Variants in DCAF7 observed in about 807,000 individuals in gnomAD.
DCAF7 encodes DDB1 and CUL4 associated factor 7.
A neutral mutation model predicts 41.2 loss-of-function variants in DCAF7; 4 were observed. The ratio of observed to expected loss-of-function variants is 0.10; its 90% CI spans 0.05 to 0.22. The LOEUF is 0.22. Ranked by LOEUF, DCAF7 falls within the 10% of genes least tolerant of loss-of-function variation. The pLI, the probability that DCAF7 is intolerant of heterozygous loss-of-function variation, is 1.00. For synonymous variants in DCAF7, 143 were observed against 164.2 expected (o/e 0.87, Z 0.99); for missense variants, 131 against 443.2 (o/e 0.30, Z 6.32).
chr17:63,573,593 A>C (rs958945009), intron 1 of DCAF7, among the ~76,000 whole-genome samples: 1 of 151,956 alleles, frequency 6.6e-6, no homozygotes, highest in Admixed American at 6.6e-5. Context: ...AGCAGGGTAC[A>C]GTGGCATCTG....
chr17:63,574,763 A>T (rs911558048), intron 1 of DCAF7, among the ~76,000 whole-genome samples: 4 of 152,234 alleles, frequency 2.6e-5, no homozygotes, highest in African/African-American at 9.6e-5. Context: ...ACTTGAGCCC[A>T]GGAGTTCAAG....
chr17:63,582,047 A>G (rs1036270708), intron 4 of DCAF7, among the ~76,000 whole-genome samples: 1 of 152,146 alleles, frequency 6.6e-6, no homozygotes, highest in African/African-American at 2.4e-5. Context: ...GAGGGTTACC[A>G]GGAGCTGTCA....
At chr17:63,583,474 C>A in intron 4 of DCAF7, 28 bp from the exon 5 acceptor site, 2 of 1,599,184 alleles carry the variant, frequency 1.3e-6, no homozygotes, top group East Asian at 2.2e-5. Context: ...GGATCTGAAT[C>A]TGACTGGAGC....
chr17:63,570,297 T>C (rs2033492015), intron 1 of DCAF7, among the ~76,000 whole-genome samples: 1 of 151,506 alleles, frequency 6.6e-6, no homozygotes, highest in African/African-American at 2.4e-5. Context: ...CTACAAAATA[T>C]GGAAAAATTA....
intron 1 of DCAF7, among the ~76,000 whole-genome samples, chr17:63,562,662 A>G (rs1306958911): frequency 1.4e-5 from 2 of 146,666 alleles, no homozygotes; most frequent in Non-Finnish European, 3.0e-5. Context: ...AGCATTAGGT[A>G]TATCTCCCAG....
At chr17:63,579,678 C>T (rs1215515938) in intron 3 of DCAF7, 147 bp from the exon 4 acceptor site, 4 of 717,664 alleles carry the variant, frequency 5.6e-6, no homozygotes, top group South Asian at 1.9e-5. Context: ...TTGACTGCCT[C>T]GGTGGCTCTG....
intron 6 of DCAF7, among the ~76,000 whole-genome samples, chr17:63,586,937 A>C (rs977410756): frequency 6.6e-6 from 1 of 152,144 alleles, no homozygotes; most frequent in Non-Finnish European, 1.5e-5. Flanking sequence ...GATGACCTCT[A>C]TCAACAGGTA....
In DCAF7 at chr17:63,579,925, G is replaced by A; in HGVS notation, c.510G>A (p.Leu170=). The A allele has an allele frequency of 6.2e-7, 1 of 1,613,710 alleles. No homozygotes were observed. Among genetic ancestry groups the A allele is most frequent in the Non-Finnish European group, 8.5e-7 (1 of 1,179,724 alleles). The part of the protein sequence containing the change: ...NLVSGHVKTQ[L]IAHDKEVYDI... ...TGTCTGGCCACGTGAAGACCCAGCT[G>A]ATCGCCCATGACAAAGAGGTAAGAT... Residue 170 remains leucine (L), a synonymous_variant, in exon 4 of 7, where the codon CTG becomes CTA. Coordinates refer to ENST00000614556, the MANE Select transcript of DCAF7 (RefSeq NM_005828.5).
At chr17:63,559,380 T>C in intron 1 of DCAF7, among the ~76,000 whole-genome samples, 1 of 53,434 alleles carries the variant, frequency 1.9e-5, no homozygotes, top group Non-Finnish European at 4.1e-5. Context: ...TATATGTGTA[T>C]ATATATGTAT....
At chr17:63,583,463 T>C (rs372992836) in intron 4 of DCAF7, 39 bp from the exon 5 acceptor site, 2 of 1,573,442 alleles carry the variant, frequency 1.3e-6, no homozygotes, top group African/African-American at 1.3e-5. Flanking sequence ...GAAGAGGTAA[T>C]GGATCTGAAT....
intron 5 of DCAF7, among the ~76,000 whole-genome samples, chr17:63,584,279 C>T (rs2033654248): frequency 6.6e-6 from 1 of 152,028 alleles, no homozygotes; most frequent in South Asian, 2.1e-4. Context: ...ACCATCCTGG[C>T]CAACATGGCG....
chr17:63,563,950 G>A (rs187547581), intron 1 of DCAF7, among the ~76,000 whole-genome samples: 363 of 152,240 alleles, frequency 2.4e-3, no homozygotes, highest in African/African-American at 8.5e-3. Context: ...TTGCTCTGAG[G>A]GATGTCCATT....
intron 1 of DCAF7, among the ~76,000 whole-genome samples, chr17:63,553,857 G>T (rs2033283889): frequency 6.6e-6 from 1 of 152,156 alleles, no homozygotes. Flanking sequence ...ATAAATTTGG[G>T]AATTGTTGCA....
At chr17:63,553,692 T>C (rs1354887069) in intron 1 of DCAF7, among the ~76,000 whole-genome samples, 1 of 152,224 alleles carries the variant, frequency 6.6e-6, no homozygotes, top group African/African-American at 2.4e-5. Flanking sequence ...ATCTTTTTAG[T>C]GTGGAGACAT....
chr17:63,586,142 A>AC (rs1568106052), intron 6 of DCAF7, among the ~76,000 whole-genome samples: 5 of 149,244 alleles, frequency 3.4e-5, no homozygotes, highest in African/African-American at 1.3e-4. Context: ...AAAAAAAAAA[A>AC]AAAAAAAGTA....
intron 1 of DCAF7, chr17:63,552,658 G>T (rs796300888): frequency 1.3e-5 from 2 of 152,288 alleles, no homozygotes; most frequent in African/African-American, 4.8e-5. Flanking sequence ...ACAAATTAAT[G>T]TTTTTTCTTG....
rs375509503 is a variant in DCAF7, at chr17:63,550,561, A to C, written c.-117A>C. 66 of 1,470,926 alleles carry C rather than the reference A, an allele frequency of 4.5e-5. No individual in the cohort carries two copies. The highest frequency in any genetic ancestry group is 1.3e-4 in the Admixed American group (6 of 45,424). The allele number at this position is 1,470,926 out of a possible 1,614,324, so 91.1% of individuals were successfully genotyped here. On this transcript the variant is annotated 5_prime_UTR_variant, in exon 1 of 7. Transcript: ENST00000614556. This position sits in a 1 kb window ranked among gnomAD's most constrained non-coding sequence, Gnocchi z 4.8. ...GTCGCCGCATCCCCGCTTCCGGGTT[A>C]GGCCGTTCCTGCCCGCCCCCTCCTC... is the stretch of plus-strand genomic sequence containing the variant.
At chr17:63,560,221 A>T (rs2033366309) in intron 1 of DCAF7, among the ~76,000 whole-genome samples, 1 of 152,182 alleles carries the variant, frequency 6.6e-6, no homozygotes, top group South Asian at 2.1e-4. Context: ...GTGTGTATAC[A>T]CGTATGTGTA....
At chr17:63,567,801 AG>A in intron 1 of DCAF7, among the ~76,000 whole-genome samples, 1 of 151,836 alleles carries the variant, frequency 6.6e-6, no homozygotes. Context: ...CTGGGACTAC[AG>A]GCCCGTGCAA....
Sources: gnomAD v4.1 joint callset for allele counts (sites outside exome capture counted in the v4.1 genomes callset) on GRCh38, gnomAD v4.1.1 for gene constraint, Gnocchi (gnomAD v3.1) non-coding constraint, MANE v1.5 for transcripts, NCBI Gene and HGNC (gene_info 2026-07-23, HGNC 2026-07-21) for gene names.